The following PTPRD variants were observed in gnomAD, a reference collection of about 807,000 sequenced individuals.
PTPRD encodes the protein receptor-type tyrosine-protein phosphatase delta.
A neutral mutation model predicts 214.5 loss-of-function variants in PTPRD; 34 were observed. The ratio of observed to expected loss-of-function variants is 0.16; its 90% CI spans 0.12 to 0.21. PTPRD has a LOEUF of 0.21. PTPRD is among the 10% of genes least tolerant of loss of function. PTPRD has a pLI of 1.00. For missense variants in PTPRD, 2,545 were observed against 2,398.7 expected (o/e 1.06, Z -1.27); for synonymous variants, 1,128 against 845.7 (o/e 1.33, Z -5.79).
chr9:10,482,098 G>C (rs370022800), intron 2 of PTPRD, among the ~76,000 whole-genome samples: 1 of 152,134 alleles, frequency 6.6e-6, no homozygotes, highest in Admixed American at 6.5e-5. Flanking sequence ...TTGGCCGGGC[G>C]CGGTGGCTCA....
chr9:9,619,161 G>C (rs977846678), intron 7 of PTPRD, among the ~76,000 whole-genome samples: 1 of 152,168 alleles, frequency 6.6e-6, no homozygotes, highest in Admixed American at 6.5e-5. Flanking sequence ...TATGCACTTA[G>C]AGAAAACAAC....
intron 3 of PTPRD, among the ~76,000 whole-genome samples, chr9:10,205,565 C>T (rs967667019): frequency 4.0e-5 from 6 of 151,812 alleles, no homozygotes; most frequent in Admixed American, 3.3e-4. Flanking sequence ...GCCACCACAC[C>T]AGCCTAATTT....
chr9:10,536,802 T>C (rs1044857885), intron 2 of PTPRD, among the ~76,000 whole-genome samples: 2 of 152,186 alleles, frequency 1.3e-5, no homozygotes, highest in East Asian at 3.9e-4. Context: ...ACTCCTCTTC[T>C]TCTACCTGAG....
chr9:8,589,635 T>C (rs1251042714), intron 14 of PTPRD, among the ~76,000 whole-genome samples: 2 of 152,322 alleles, frequency 1.3e-5, no homozygotes, highest in South Asian at 2.1e-4. Context: ...ATCCAATTTC[T>C]GTAGATGACA....
chr9:9,535,135 T>C (rs577700144), intron 8 of PTPRD, among the ~76,000 whole-genome samples: 1 of 152,226 alleles, frequency 6.6e-6, no homozygotes, highest in South Asian at 2.1e-4. Context: ...TGACACACTC[T>C]GCCTCGTGAA....
chr9:10,479,734 G>A (rs1373640423), intron 2 of PTPRD, among the ~76,000 whole-genome samples: 1 of 151,930 alleles, frequency 6.6e-6, no homozygotes, highest in Non-Finnish European at 1.5e-5. Flanking sequence ...CTGAGGTAAG[G>A]TCGCTTGAGC....
chr9:8,796,838 A>G (rs1033712375), intron 11 of PTPRD, among the ~76,000 whole-genome samples: 1 of 152,148 alleles, frequency 6.6e-6, no homozygotes, highest in Admixed American at 6.6e-5. Flanking sequence ...TCATTGGTAA[A>G]CTCAAACATC....
chr9:8,703,934 A>C (rs1218563848), intron 12 of PTPRD, among the ~76,000 whole-genome samples: 1 of 152,200 alleles, frequency 6.6e-6, no homozygotes, highest in South Asian at 2.1e-4. Context: ...TCTTATCAAT[A>C]AATACTACAA....
intron 3 of PTPRD, among the ~76,000 whole-genome samples, chr9:10,109,949 C>T (rs756046633): frequency 6.7e-6 from 1 of 149,306 alleles, no homozygotes; most frequent in Non-Finnish European, 1.5e-5. Flanking sequence ...TGATATATGC[C>T]AATGTTTTAT....
intron 5 of PTPRD, among the ~76,000 whole-genome samples, chr9:9,806,112 C>T (rs917159877): frequency 1.3e-5 from 2 of 152,000 alleles, no homozygotes; most frequent in Admixed American, 1.3e-4. Context: ...TTATAAGATG[C>T]ACGGGTCTTA....
chr9:8,437,567 T>G (rs939025567), intron 34 of PTPRD, among the ~76,000 whole-genome samples: 1 of 152,072 alleles, frequency 6.6e-6, no homozygotes, highest in Non-Finnish European at 1.5e-5. Flanking sequence ...ATTGTAGAGG[T>G]TGGGGTTGCA....
intron 11 of PTPRD, among the ~76,000 whole-genome samples, chr9:8,965,702 G>A (rs545420360): frequency 2.0e-5 from 3 of 152,220 alleles, no homozygotes; most frequent in Non-Finnish European, 4.4e-5. Flanking sequence ...GCAAAAACTG[G>A]AAGCATTCCC....
chr9:9,165,779 T>A (rs897174122), intron 10 of PTPRD, among the ~76,000 whole-genome samples: 1 of 152,194 alleles, frequency 6.6e-6, no homozygotes, highest in African/African-American at 2.4e-5. Flanking sequence ...TTAAAGGATG[T>A]CTTCTTGATC....
intron 2 of PTPRD, among the ~76,000 whole-genome samples, chr9:10,372,678 G>T (rs1162071396): frequency 1.3e-5 from 2 of 151,904 alleles, no homozygotes; most frequent in Non-Finnish European, 2.9e-5. Flanking sequence ...TAGTGAGTAT[G>T]TTACAAAATG....
chr9:10,133,809 A>G (rs1207867950), intron 3 of PTPRD, among the ~76,000 whole-genome samples: 1 of 152,162 alleles, frequency 6.6e-6, no homozygotes, highest in Non-Finnish European at 1.5e-5. Flanking sequence ...TGAAAAATAC[A>G]TGATCTGGAA....
chr9:10,597,292 T>C (rs2076844454), intron 2 of PTPRD, among the ~76,000 whole-genome samples: 1 of 151,736 alleles, frequency 6.6e-6, no homozygotes. Flanking sequence ...TGTTACTATC[T>C]TTATATCCTA....
intron 12 of PTPRD, among the ~76,000 whole-genome samples, chr9:8,650,574 G>T (rs1377731740): frequency 1.4e-5 from 2 of 147,978 alleles, no homozygotes; most frequent in African/African-American, 5.0e-5. Flanking sequence ...TAAACAACGG[G>T]AAACATAAAA....
rs537733685 is a variant in PTPRD at position 10,074,199 on chromosome 9, A to AT, written c.-544-40410dup. ...CATCATACAATATTTGGCTCCTCTC[A>AT]TTGGCCTGCTTATGTGCCATTTAAG... On this transcript the variant is annotated intron_variant, in intron 3 of 45. Coordinates refer to ENST00000381196, the MANE Select transcript of PTPRD (RefSeq NM_002839.4). Among the ~76,000 whole-genome samples the AT allele has an allele frequency of 8.5e-4, 129 of 152,022 alleles. 1 individual carries two copies. Among genetic ancestry groups the AT allele is most frequent in the Non-Finnish European group, 1.6e-3 (106 of 68,008 alleles).
At chr9:10,132,637 C>T (rs1044381101) in intron 3 of PTPRD, among the ~76,000 whole-genome samples, 1 of 152,038 alleles carries the variant, frequency 6.6e-6, no homozygotes, top group Non-Finnish European at 1.5e-5. Flanking sequence ...AATATCTGGA[C>T]CAATTTGTTG....
Sources: allele counts gnomAD v4.1 joint callset (sites outside exome capture counted in the v4.1 genomes callset), GRCh38; gene constraint gnomAD v4.1.1; transcripts MANE v1.5; gene names NCBI Gene and HGNC (gene_info 2026-07-23, HGNC 2026-07-21).